The following HLCS variants were observed in gnomAD, a reference collection of about 807,000 sequenced individuals.
HLCS encodes the protein holocarboxylase synthetase.
In HLCS, 53 loss-of-function variants were observed where a neutral mutation model predicts 75.0. The observed-to-expected ratio is 0.71, with a 90% confidence interval of 0.57 to 0.89. The LOEUF is 0.89. HLCS is among the 40% of genes least tolerant of loss of function. The pLI is 0.00. For missense variants in HLCS, 966 were observed against 1,074.0 expected (o/e 0.90, Z 1.41); for synonymous variants, 431 against 428.6 (o/e 1.01, Z -0.07).
intron 6 of HLCS, among the ~76,000 whole-genome samples, chr21:36,870,259 C>A (rs142540214): frequency 6.6e-6 from 1 of 151,944 alleles, no homozygotes; most frequent in Non-Finnish European, 1.5e-5. Flanking sequence ...TGCATCTCCC[C>A]GGGAACCTCA....
intron 2 of HLCS, among the ~76,000 whole-genome samples, chr21:36,961,392 A>T (rs1424385816): frequency 6.6e-6 from 1 of 152,196 alleles, no homozygotes. Flanking sequence ...GTGGTGGCTA[A>T]CATCTCTAAT....
At chr21:36,961,045 T>C (rs185759712) in intron 2 of HLCS, among the ~76,000 whole-genome samples, 39 of 151,982 alleles carry the variant, frequency 2.6e-4, no homozygotes, top group Non-Finnish European at 4.6e-4. Context: ...ATTTAGGGAG[T>C]GCTGTTACAA....
intron 6 of HLCS, among the ~76,000 whole-genome samples, chr21:36,820,121 CG>C (rs2061783603): frequency 6.6e-6 from 1 of 152,188 alleles, no homozygotes; most frequent in Non-Finnish European, 1.5e-5. Flanking sequence ...CCTTGGCCAT[CG>C]GGAATGAGGC....
chr21:36,982,676 G>T (rs1022592506), intron 1 of HLCS, among the ~76,000 whole-genome samples: 1 of 152,212 alleles, frequency 6.6e-6, no homozygotes, highest in Admixed American at 6.5e-5. Flanking sequence ...CTAAATTTAC[G>T]CATTGTAGCT....
chr21:36,932,855 C>T (rs111619592), intron 4 of HLCS, among the ~76,000 whole-genome samples: 1,527 of 152,308 alleles, frequency 0.01, 18 homozygotes, highest in South Asian at 0.024. Flanking sequence ...TGGTGGCTCA[C>T]GCCTATAATC....
At chr21:36,945,052 G>T (rs1601832533) in intron 2 of HLCS, among the ~76,000 whole-genome samples, 1 of 152,004 alleles carries the variant, frequency 6.6e-6, no homozygotes, top group African/African-American at 2.4e-5. Flanking sequence ...CCCAGGAAGC[G>T]GAACTTGCAG....
In HLCS at chr21:36,987,516, G is replaced by A. The variant is rs536363306; in HGVS notation, c.-393+2642C>T. ...TAATCCCAGCTACTCAGGAGGCTGA[G>A]GCAGAAGAATTGTCTGAACCTGGGA... is the stretch of plus-strand genomic sequence containing the variant. On this transcript the variant is annotated intron_variant, in intron 1 of 11. Coordinates refer to the HLCS transcript ENST00000336648. Among the ~76,000 whole-genome samples the A allele has an allele frequency of 1.3e-3, 205 of 152,242 alleles. 1 individual carries two copies. The highest frequency in any genetic ancestry group is 5.6e-3 in the South Asian group (27 of 4,812).
chr21:36,871,619 C>T (rs1232060452), intron 6 of HLCS, among the ~76,000 whole-genome samples: 1 of 151,660 alleles, frequency 6.6e-6, no homozygotes, highest in South Asian at 2.1e-4. Context: ...AGTTATTTGC[C>T]CCCATTATAA....
chr21:36,802,741 G>C (rs2061244511), intron 6 of HLCS, among the ~76,000 whole-genome samples: 1 of 152,116 alleles, frequency 6.6e-6, no homozygotes, highest in African/African-American at 2.4e-5. Flanking sequence ...CAGAAGTAGG[G>C]TTACCTTTTC....
chr21:36,870,037 T>C (rs1242169600), intron 6 of HLCS, among the ~76,000 whole-genome samples: 1 of 152,204 alleles, frequency 6.6e-6, no homozygotes, highest in Non-Finnish European at 1.5e-5. Flanking sequence ...ATCTGAGAAG[T>C]TGTTTGCCAC....
At chr21:36,909,976 A>G (rs1380492847) in intron 5 of HLCS, among the ~76,000 whole-genome samples, 1 of 152,240 alleles carries the variant, frequency 6.6e-6, no homozygotes, top group Non-Finnish European at 1.5e-5. Flanking sequence ...CAGTCATAAC[A>G]TCGTAAGTTG....
intron 6 of HLCS, among the ~76,000 whole-genome samples, chr21:36,815,607 G>A (rs1407171633): frequency 6.6e-6 from 1 of 152,130 alleles, no homozygotes; most frequent in African/African-American, 2.4e-5. Flanking sequence ...TAAAGACGGG[G>A]GATAGGTTGT....
At chr21:36,876,758 G>T (rs1173652151) in intron 6 of HLCS, among the ~76,000 whole-genome samples, 2 of 152,192 alleles carry the variant, frequency 1.3e-5, no homozygotes, top group African/African-American at 4.8e-5. Flanking sequence ...TTAGGTATCA[G>T]GAAGGTGAAA....
chr21:36,828,405 G>A (rs796713535), intron 6 of HLCS, among the ~76,000 whole-genome samples: 2 of 142,634 alleles, frequency 1.4e-5, no homozygotes, highest in Admixed American at 6.9e-5. Flanking sequence ...GAATGAATGA[G>A]TGAATAAATG....
chr21:36,797,998 G>C (rs1427061392), intron 6 of HLCS, among the ~76,000 whole-genome samples: 1 of 152,120 alleles, frequency 6.6e-6, no homozygotes, highest in African/African-American at 2.4e-5. Context: ...GAAGTAGTGA[G>C]AGCTAAGGAT....
Position 36,930,344 on chromosome 21 carries a change from T to A in HLCS, c.1527A>T (p.Glu509Asp). 6.2e-7 allele frequency: 1 copy of A among 1,614,156 alleles called. No homozygotes were observed. The change falls in exon 5 of 11, where the codon GAA becomes GAT. Residue 509 changes from glutamate to aspartate, a missense_variant. Coordinates refer to ENST00000674895, the MANE Select transcript of HLCS (RefSeq NM_001352514.2). ...GGGTTGTCAGAATCTCTCTAAGGAC[T>A]TCGTATCTTCTAAAATTGCTTGACT... is the stretch of plus-strand genomic sequence containing the variant. ...LLKSSNFRRY[E>D]VLREILTTLG...
intron 7 of HLCS, among the ~76,000 whole-genome samples, chr21:36,766,904 G>A (rs749892533): frequency 6.6e-6 from 1 of 152,140 alleles, no homozygotes; most frequent in Non-Finnish European, 1.5e-5. Context: ...GAAAATAAAC[G>A]TCTCTAGAGC....
chr21:36,930,146 A>T (rs1156793909), intron 5 of HLCS, 105 bp downstream of exon 5: 1 of 1,037,024 alleles, frequency 9.6e-7, no homozygotes. Flanking sequence ...CAAAACAGAA[A>T]TGGAAAATCA....
chr21:36,988,339 A>T (rs1337975317), intron 1 of HLCS, among the ~76,000 whole-genome samples: 1 of 152,168 alleles, frequency 6.6e-6, no homozygotes, highest in Admixed American at 6.5e-5. Flanking sequence ...ACTTTTGTTC[A>T]CTTCCTAGTA....
Sources: allele counts gnomAD v4.1 joint callset (sites outside exome capture counted in the v4.1 genomes callset), GRCh38; gene constraint gnomAD v4.1.1; transcripts MANE v1.5; gene names NCBI Gene and HGNC (gene_info 2026-07-23, HGNC 2026-07-21).